The following GALNT7 variants were observed in gnomAD, a reference collection of about 807,000 sequenced individuals.
GALNT7 encodes the protein N-acetylgalactosaminyltransferase 7.
In GALNT7, 60 loss-of-function variants were observed where a neutral mutation model predicts 82.1. That is an observed-to-expected ratio of 0.73 (90% CI 0.59 to 0.91). The LOEUF is 0.91. Among genes scored for constraint, GALNT7 ranks in the 40% least tolerant of loss-of-function variants. The pLI is 0.00. For synonymous variants in GALNT7, 243 were observed against 275.1 expected (o/e 0.88, Z 1.15); for missense variants, 660 against 804.2 (o/e 0.82, Z 2.17).
chr4:173,285,830 G>A (rs757928688), intron 2 of GALNT7, among the ~76,000 whole-genome samples: 4 of 152,158 alleles, frequency 2.6e-5, no homozygotes, highest in African/African-American at 4.8e-5. Flanking sequence ...GATGTTGAGA[G>A]GGGCTTATCC....
intron 2 of GALNT7, among the ~76,000 whole-genome samples, chr4:173,258,522 A>AT: frequency 6.6e-6 from 1 of 152,224 alleles, no homozygotes; most frequent in South Asian, 2.1e-4. Context: ...GCTGATGGAG[A>AT]TGGGGGGGCC....
intron 8 of GALNT7, among the ~76,000 whole-genome samples, chr4:173,309,045 A>G (rs1489038849): frequency 6.6e-6 from 1 of 152,256 alleles, no homozygotes; most frequent in African/African-American, 2.4e-5. Flanking sequence ...AGGATTGATA[A>G]TCTATATTTT....
intron 2 of GALNT7, among the ~76,000 whole-genome samples, chr4:173,263,756 T>A (rs1735369539): frequency 6.6e-6 from 1 of 152,214 alleles, no homozygotes; most frequent in African/African-American, 2.4e-5. Context: ...ATAATATCAG[T>A]ATTTTGTAAT....
chr4:173,170,201 C>T (rs948349564), intron 1 of GALNT7, among the ~76,000 whole-genome samples: 12 of 152,186 alleles, frequency 7.9e-5, no homozygotes, highest in Non-Finnish European at 1.6e-4. Flanking sequence ...GGCCGGCTGC[C>T]AGTGGGGGTA....
intron 1 of GALNT7, among the ~76,000 whole-genome samples, chr4:173,189,286 A>G (rs1030166837): frequency 1.3e-5 from 2 of 152,240 alleles, no homozygotes; most frequent in African/African-American, 4.8e-5. Context: ...CCATCTTGCT[A>G]CATTGCCACA....
At chr4:173,244,116 C>T (rs192492024) in intron 1 of GALNT7, among the ~76,000 whole-genome samples, 11 of 152,326 alleles carry the variant, frequency 7.2e-5, no homozygotes, top group Middle Eastern at 3.4e-3. Flanking sequence ...TACTGGAACA[C>T]AGCCATACCC....
At chr4:173,298,822 A>G (rs1736814216) in intron 6 of GALNT7, among the ~76,000 whole-genome samples, 1 of 152,242 alleles carries the variant, frequency 6.6e-6, no homozygotes, top group Non-Finnish European at 1.5e-5. Context: ...GTTAAATCTG[A>G]TGAATCACAA....
chr4:173,265,631 C>CAGGCCCCAAGTGCATCACCTT (rs1735458024), intron 2 of GALNT7, among the ~76,000 whole-genome samples: 1 of 145,896 alleles, frequency 6.9e-6, no homozygotes, highest in Non-Finnish European at 1.5e-5. Context: ...GTCTCTGTCT[C>CAGGCCCCAAGTGCATCACCTT]TCCACCCCCA....
Position 173,216,727 on chromosome 4 carries a change from A to ATTTTTTTTTTTTTTTTT in GALNT7, c.127-31250_127-31234dup. Among the ~76,000 whole-genome samples the ATTTTTTTTTTTTTTTTT allele has an allele frequency of 6.9e-4, 9 of 12,980 alleles. 2 individuals carry two copies. Among genetic ancestry groups the ATTTTTTTTTTTTTTTTT allele is most frequent in the East Asian group, 4.1e-3 (2 of 484 alleles). 8.5% of individuals were successfully genotyped at this position (12,980 alleles called of 152,430 possible). A position where few individuals can be genotyped will look rare whatever the true frequency, so the allele number is the denominator to read the frequency against. ...TATTCATATATATATATATATATAT[A>ATTTTTTTTTTTTTTTTT]TTTTTTTTTTTTTTTTTTTGGAGAC... is the stretch of plus-strand genomic sequence containing the variant. On this transcript the variant is annotated intron_variant, in intron 1 of 11. Transcript: ENST00000265000.
intron 1 of GALNT7, among the ~76,000 whole-genome samples, chr4:173,232,230 G>A (rs138182546): frequency 0.01 from 1,548 of 152,028 alleles, 14 homozygotes; most frequent in Non-Finnish European, 0.015. Context: ...ACTGAAGCCA[G>A]GCAAAGAGTT....
chr4:173,250,603 TG>T, intron 2 of GALNT7, among the ~76,000 whole-genome samples: 1 of 152,308 alleles, frequency 6.6e-6, no homozygotes, highest in South Asian at 2.1e-4. Context: ...GTCTCGTTAC[TG>T]GTCTTTCCAT....
chr4:173,228,498 C>T (rs1228496685), intron 1 of GALNT7, among the ~76,000 whole-genome samples: 1 of 151,898 alleles, frequency 6.6e-6, no homozygotes, highest in Non-Finnish European at 1.5e-5. Context: ...TAACTGTTCT[C>T]ATTAAGGGCA....
chr4:173,290,591 T>C (rs1394889409), intron 2 of GALNT7, among the ~76,000 whole-genome samples: 1 of 152,164 alleles, frequency 6.6e-6, no homozygotes, highest in Non-Finnish European at 1.5e-5. Context: ...GAGGATTGAA[T>C]GTGACAAAAC....
At chr4:173,186,862 C>T (rs2126636229) in intron 1 of GALNT7, among the ~76,000 whole-genome samples, 1 of 152,018 alleles carries the variant, frequency 6.6e-6, no homozygotes, top group African/African-American at 2.4e-5. Context: ...CAACCTCCAA[C>T]TCCCTGGGTC....
At chr4:173,224,877 T>C (rs1041638675) in intron 1 of GALNT7, among the ~76,000 whole-genome samples, 7 of 150,884 alleles carry the variant, frequency 4.6e-5, no homozygotes, top group Admixed American at 6.6e-5. Context: ...TAGCCAGGCG[T>C]GGTGGCGCGC....
At chr4:173,236,608 A>G (rs1734238041) in intron 1 of GALNT7, among the ~76,000 whole-genome samples, 2 of 152,172 alleles carry the variant, frequency 1.3e-5, no homozygotes, top group Non-Finnish European at 2.9e-5. Flanking sequence ...CCCTTCTGTT[A>G]TAGCAAATGA....
rs1561172293 is a variant in GALNT7 at position 173,248,357 on chromosome 4, C to A, written c.504C>A (p.Ala168=). The change falls in exon 2 of 12, where the codon GCC becomes GCA. Residue 168 remains alanine, a synonymous_variant. Transcript: ENST00000265000. ...CAGAATTCAAACAAGCAATTCAAGC[C>A]AGCATTAAAGAGTTTGGATTTAACA... The part of the protein sequence containing the change: ...LGPEFKQAIQ[A]SIKEFGFNMV... 17 of 1,613,784 alleles carry A rather than the reference C, an allele frequency of 1.1e-5. No individual in the cohort carries two copies. The highest frequency in any genetic ancestry group is 1.4e-5 in the Non-Finnish European group (17 of 1,179,788).
At chr4:173,171,506 A>C (rs1346835373) in intron 1 of GALNT7, among the ~76,000 whole-genome samples, 1 of 152,168 alleles carries the variant, frequency 6.6e-6, no homozygotes, top group Non-Finnish European at 1.5e-5. Flanking sequence ...TGAACTATGA[A>C]TATGTCATAC....
intron 2 of GALNT7, among the ~76,000 whole-genome samples, chr4:173,273,780 A>G (rs970230804): frequency 4.0e-5 from 6 of 151,722 alleles, no homozygotes; most frequent in Non-Finnish European, 7.4e-5. Flanking sequence ...CCCTCCTTCT[A>G]TTTTTAACTT....
Sources: gnomAD v4.1 joint callset for allele counts (sites outside exome capture counted in the v4.1 genomes callset) on GRCh38, gnomAD v4.1.1 for gene constraint, MANE v1.5 for transcripts, NCBI Gene and HGNC (gene_info 2026-07-23, HGNC 2026-07-21) for gene names.